ROBO2: variants seen among roughly 807,000 people sequenced by gnomAD.
ROBO2 encodes roundabout homolog 2.
In ROBO2, 53 loss-of-function variants were observed where a neutral mutation model predicts 160.8. That is an observed-to-expected ratio of 0.33 (90% CI 0.26 to 0.41). The LOEUF is 0.41. Ranked by LOEUF, ROBO2 falls within the 10% of genes least tolerant of loss-of-function variation. The probability of loss-of-function intolerance (pLI) is 1.00; values close to 1 mark genes in which losing one functional copy is unlikely to be tolerated. For missense variants in ROBO2, 1,577 were observed against 1,722.4 expected, an observed-to-expected ratio of 0.92 and a Z score of 1.49; for synonymous variants, 664 against 611.7, an observed-to-expected ratio of 1.09 and a Z score of -1.26.
At chr3:76,454,921 T>A (rs2077674529) in intron 2 of ROBO2, among the ~76,000 whole-genome samples, 1 of 152,150 alleles carries the variant, frequency 6.6e-6, no homozygotes, top group Admixed American at 6.6e-5. Context: ...ACAACCTTGA[T>A]GTAACCTTAT....
chr3:76,905,698 C>G (rs953880764), intron 2 of ROBO2, among the ~76,000 whole-genome samples: 4 of 152,090 alleles, frequency 2.6e-5, no homozygotes, highest in Non-Finnish European at 5.9e-5. Flanking sequence ...TGTAAAAACC[C>G]AAAATATAAT....
At chr3:76,993,440 C>CA (rs1408428865) in intron 2 of ROBO2, among the ~76,000 whole-genome samples, 2 of 152,104 alleles carry the variant, frequency 1.3e-5, no homozygotes, top group Admixed American at 1.3e-4. Context: ...TCACTATCCC[C>CA]AAAATGTCTT....
intron 2 of ROBO2, among the ~76,000 whole-genome samples, chr3:76,238,295 T>A (rs1174563998): frequency 6.6e-6 from 1 of 152,042 alleles, no homozygotes; most frequent in Non-Finnish European, 1.5e-5. Context: ...AAACTTATAA[T>A]CATAGGGGAA....
chr3:76,699,339 C>T (rs1159259725), intron 2 of ROBO2, among the ~76,000 whole-genome samples: 2 of 152,292 alleles, frequency 1.3e-5, no homozygotes, highest in Middle Eastern at 3.4e-3. Context: ...CTTCAGTTGT[C>T]TTTTCTAGCG....
At chr3:75,930,550 T>C (rs910072873) in intron 1 of ROBO2, among the ~76,000 whole-genome samples, 2 of 152,198 alleles carry the variant, frequency 1.3e-5, no homozygotes, top group Non-Finnish European at 2.9e-5. Flanking sequence ...ACACATACTC[T>C]CTCTAAGCTC....
chr3:77,330,598 T>G (rs1471962197), intron 2 of ROBO2, among the ~76,000 whole-genome samples: 1 of 152,176 alleles, frequency 6.6e-6, no homozygotes, highest in African/African-American at 2.4e-5. Flanking sequence ...GAGGGTGAAG[T>G]AAAGAAGCCT....
At chr3:77,155,245 G>A (rs938331013) in intron 2 of ROBO2, among the ~76,000 whole-genome samples, 1 of 151,920 alleles carries the variant, frequency 6.6e-6, no homozygotes, top group Non-Finnish European at 1.5e-5. Flanking sequence ...TAGCAAGGGG[G>A]AATTAAATTA....
intron 1 of ROBO2, among the ~76,000 whole-genome samples, chr3:77,091,416 G>T (rs886141839): frequency 6.6e-6 from 1 of 152,208 alleles, no homozygotes; most frequent in Non-Finnish European, 1.5e-5. Flanking sequence ...ACCACTCAAC[G>T]TTGTAAAATA....
At chr3:76,683,794 C>CG (rs1379285066) in intron 2 of ROBO2, among the ~76,000 whole-genome samples, 2 of 152,060 alleles carry the variant, frequency 1.3e-5, no homozygotes, top group African/African-American at 4.8e-5. Flanking sequence ...TTTGACTAAA[C>CG]GGAGAAGTTA....
At chr3:76,598,402 GT>G (rs2086881728) in intron 2 of ROBO2, among the ~76,000 whole-genome samples, 1 of 152,082 alleles carries the variant, frequency 6.6e-6, no homozygotes, top group African/African-American at 2.4e-5. Context: ...GAATATGCAT[GT>G]GATAAAATTG....
intron 2 of ROBO2, among the ~76,000 whole-genome samples, chr3:77,147,901 T>C (rs933972834): frequency 1.3e-5 from 2 of 152,136 alleles, no homozygotes; most frequent in African/African-American, 4.8e-5. Flanking sequence ...CGAAAAGTTA[T>C]AAAGGATCTG....
intron 2 of ROBO2, among the ~76,000 whole-genome samples, chr3:76,589,004 A>T (rs1396728416): frequency 1.3e-5 from 2 of 152,190 alleles, no homozygotes; most frequent in Non-Finnish European, 1.5e-5. Context: ...CTCTCTTGTG[A>T]ACAGGTAGTT....
chr3:76,787,328 C>CCACACACA (rs60806662), intron 2 of ROBO2, among the ~76,000 whole-genome samples: 4,272 of 142,220 alleles, frequency 0.03, 73 homozygotes, highest in Admixed American at 0.051. Context: ...TGTAAACACA[C>CCACACACA]CACACACACA....
chr3:76,409,683 G>T (rs2075388048), intron 2 of ROBO2, among the ~76,000 whole-genome samples: 1 of 152,056 alleles, frequency 6.6e-6, no homozygotes, highest in Non-Finnish European at 1.5e-5. Context: ...TCCTTAATAA[G>T]TTATGACCTT....
intron 2 of ROBO2, among the ~76,000 whole-genome samples, chr3:77,349,389 G>T (rs554411694): frequency 2.6e-4 from 40 of 152,156 alleles, no homozygotes; most frequent in African/African-American, 8.9e-4. Flanking sequence ...TACAATAGGT[G>T]CTAAAAATAC....
chr3:76,861,511 G>C (rs1161459791), intron 2 of ROBO2, among the ~76,000 whole-genome samples: 1 of 152,082 alleles, frequency 6.6e-6, no homozygotes, highest in Non-Finnish European at 1.5e-5. Flanking sequence ...AGAAATGGGT[G>C]CTCCCTAGAG....
At chr3:77,356,183 A>G (rs1056762980) in intron 2 of ROBO2, among the ~76,000 whole-genome samples, 6 of 152,226 alleles carry the variant, frequency 3.9e-5, no homozygotes, top group Non-Finnish European at 7.3e-5. Context: ...ATCTGTATTA[A>G]AAGAATGAGC....
intron 2 of ROBO2, among the ~76,000 whole-genome samples, chr3:75,999,529 A>G (rs954483333): frequency 6.6e-6 from 1 of 152,154 alleles, no homozygotes; most frequent in Admixed American, 6.5e-5. Flanking sequence ...TAGGAGTTTA[A>G]TATTACGTTA....
chr3:77,080,213 C>T (rs568573375), intron 1 of ROBO2, among the ~76,000 whole-genome samples: 80 of 152,116 alleles, frequency 5.3e-4, no homozygotes, highest in Admixed American at 4.2e-3. Flanking sequence ...AGGACAACAC[C>T]GTAAGTCACG....
Sources: gnomAD v4.1 joint callset for allele counts (sites outside exome capture counted in the v4.1 genomes callset) on GRCh38, gnomAD v4.1.1 for gene constraint, MANE v1.5 for transcripts, NCBI Gene and HGNC (gene_info 2026-07-23, HGNC 2026-07-21) for gene names.